Variants in STAG1 observed in about 807,000 individuals in gnomAD.
STAG1 encodes STAG1 cohesin complex component.
STAG1 carries 26 observed loss-of-function variants against 170.9 expected under a neutral mutation model. That is an observed-to-expected ratio of 0.15 (90% CI 0.11 to 0.21). The LOEUF (loss-of-function observed/expected upper bound fraction) is 0.21. Ranked by LOEUF, STAG1 falls within the 10% of genes least tolerant of loss-of-function variation. STAG1 has a pLI of 1.00. For missense variants in STAG1, 964 were observed against 1,509.5 expected (o/e 0.64, Z 5.99); for synonymous variants, 514 against 497.7 (o/e 1.03, Z -0.44).
At chr3:136,379,354 T>C (rs1316696251) in intron 22 of STAG1, among the ~76,000 whole-genome samples, 1 of 152,120 alleles carries the variant, frequency 6.6e-6, no homozygotes, top group African/African-American at 2.4e-5. Context: ...AGCTGAGTCC[T>C]GAAGGAGAAA....
At chr3:136,378,468 G>C (rs532445561) in intron 22 of STAG1, among the ~76,000 whole-genome samples, 1 of 152,330 alleles carries the variant, frequency 6.6e-6, no homozygotes, top group East Asian at 1.9e-4. Context: ...CCAGGTTTGA[G>C]AGGATTGCTT....
intron 6 of STAG1, among the ~76,000 whole-genome samples, chr3:136,535,625 T>C (rs1935581566): frequency 6.6e-6 from 1 of 152,184 alleles, no homozygotes; most frequent in African/African-American, 2.4e-5. Flanking sequence ...ATCGTGCCAC[T>C]GCACTCCAGC....
At chr3:136,349,079 C>T in intron 29 of STAG1, 79 bp downstream of exon 29, 1 of 1,114,158 alleles carries the variant, frequency 9.0e-7, no homozygotes, top group Non-Finnish European at 1.4e-6. Context: ...ATACTATTAT[C>T]TTGCTTCAAA....
Position 136,422,819 on chromosome 3 carries a change from T to C in STAG1, c.1782A>G (p.Gln594=). ...TTTCTAAATCAAAATACTGTGGGAT[T>C]TGTAGCAAGTTTGCTACCTTCTCTG... ...ADAEKVANLL[Q]IPQYFDLEIY... The change falls in exon 18 of 34, where the codon CAA becomes CAG. Residue 594 remains glutamine, a synonymous_variant. Transcript: ENST00000383202. 2 of 1,609,964 alleles carry C rather than the reference T, an allele frequency of 1.2e-6. No homozygotes were observed. Among genetic ancestry groups the C allele is most frequent in the Non-Finnish European group, 1.7e-6 (2 of 1,179,092 alleles).
chr3:136,543,665 A>C (rs1478923492), intron 5 of STAG1, among the ~76,000 whole-genome samples: 1 of 152,176 alleles, frequency 6.6e-6, no homozygotes, highest in Non-Finnish European at 1.5e-5. Flanking sequence ...CTTAGTCTCT[A>C]TGAAACTAGG....
intron 22 of STAG1, among the ~76,000 whole-genome samples, chr3:136,387,681 A>T (rs1409822165): frequency 1.3e-5 from 2 of 152,226 alleles, no homozygotes; most frequent in Non-Finnish European, 1.5e-5. Flanking sequence ...CGACTATTTG[A>T]TATTTAAACC....
intron 1 of STAG1, among the ~76,000 whole-genome samples, chr3:136,662,957 A>T (rs1941627815): frequency 6.6e-6 from 1 of 152,116 alleles, no homozygotes; most frequent in South Asian, 2.1e-4. Context: ...AGGCTGAGGC[A>T]GGAGAATCGC....
intron 1 of STAG1, among the ~76,000 whole-genome samples, chr3:136,724,159 G>A (rs553219134): frequency 1.3e-4 from 15 of 113,234 alleles, no homozygotes; most frequent in African/African-American, 8.9e-4. Context: ...GTGGAATAGA[G>A]GAGGGGAGAA....
chr3:136,349,377 A>G lies in STAG1; in HGVS notation c.3066-14T>C. The stretch of plus-strand genomic sequence containing the variant: ...AGGTATGAATGACTAGAAACACAAT[A>G]GAAACAGCAGTGATTTTCAGAGAAG... On this transcript the variant is annotated splice_polypyrimidine_tract_variant and intron_variant, in intron 28 of 33. Transcript: ENST00000383202. The G allele has an allele frequency of 6.3e-7, 1 of 1,594,178 alleles. No homozygotes were observed. Among genetic ancestry groups the G allele is most frequent in the Non-Finnish European group, 8.6e-7 (1 of 1,161,860 alleles).
intron 1 of STAG1, among the ~76,000 whole-genome samples, chr3:136,693,511 A>G (rs1260331794): frequency 6.6e-6 from 1 of 152,186 alleles, no homozygotes; most frequent in Non-Finnish European, 1.5e-5. Context: ...CTTTTTTTGC[A>G]GTGGGATGGC....
At chr3:136,516,351 C>CA (rs1160627227) in intron 7 of STAG1, among the ~76,000 whole-genome samples, 2 of 151,718 alleles carry the variant, frequency 1.3e-5, no homozygotes, top group South Asian at 2.1e-4. Context: ...ACAAAAACTA[C>CA]AAAAAAATTA....
chr3:136,524,109 T>C lies in STAG1; in HGVS notation c.472-2692A>G, dbSNP rs527722705. ...TTTTGGTCCCATATGAACTTTAAAG[T>C]AGTTTTTTCCACTTATCTGAAGAAA... is the stretch of plus-strand genomic sequence containing the variant. On this transcript the variant is annotated intron_variant, in intron 6 of 33. Transcript: ENST00000383202. Among the ~76,000 whole-genome samples, 120 of 152,308 alleles carry C rather than the reference T, an allele frequency of 7.9e-4. 1 individual carries two copies. Among genetic ancestry groups the C allele is most frequent in the African/African-American group, 2.8e-3 (117 of 41,564 alleles).
intron 22 of STAG1, among the ~76,000 whole-genome samples, chr3:136,394,393 A>C (rs374156475): frequency 6.6e-6 from 1 of 152,218 alleles, no homozygotes; most frequent in Admixed American, 6.5e-5. Context: ...CAAATACCTA[A>C]GTAAGAAAAA....
In STAG1 at chr3:136,507,717, AT is replaced by A. The variant is rs766025107; in HGVS notation, c.677-4939del. On this transcript the variant is annotated intron_variant, in intron 7 of 33. Coordinates refer to ENST00000383202, the MANE Select transcript of STAG1 (RefSeq NM_005862.3). Reference sequence around the variant, plus strand: ...CTATATTATTTTCCTACTCATCACTATTTTTTAATAAAAATAATGTCTATGA... The same window carrying A: ...CTATATTATTTTCCTACTCATCACTATTTTTAATAAAAATAATGTCTATGA... Among the ~76,000 whole-genome samples the A allele has an allele frequency of 2.6e-5, 4 of 152,240 alleles. 1 individual carries two copies. Among genetic ancestry groups the A allele is most frequent in the Admixed American group, 2.6e-4 (4 of 15,286 alleles).
chr3:136,609,497 T>C (rs1251115037), intron 3 of STAG1: 1 of 152,438 alleles, frequency 6.6e-6, no homozygotes, highest in Non-Finnish European at 1.5e-5. Context: ...GAAAAGAGGC[T>C]GATCAGGCTA....
At chr3:136,541,147 T>C (rs1433795299) in intron 6 of STAG1, among the ~76,000 whole-genome samples, 2 of 152,016 alleles carry the variant, frequency 1.3e-5, no homozygotes, top group Admixed American at 1.3e-4. Flanking sequence ...TGTATGACGT[T>C]TTCCAAGTTA....
At chr3:136,726,027 C>T (rs529454280) in intron 1 of STAG1, among the ~76,000 whole-genome samples, 2 of 152,242 alleles carry the variant, frequency 1.3e-5, no homozygotes, top group East Asian at 3.9e-4. Context: ...AACCATCATC[C>T]AAGGCACTGT....
In STAG1 at chr3:136,464,406, A is replaced by G. The variant is rs61490764; in HGVS notation, c.1313+475T>C. 3.4e-3 allele frequency among the ~76,000 whole-genome samples: 517 copies of G among 151,634 alleles called. 1 individual carries two copies. Among genetic ancestry groups the G allele is most frequent in the African/African-American group, 0.012 (509 of 41,384 alleles). On this transcript the variant is annotated intron_variant, in intron 13 of 33. Transcript: ENST00000383202. ...CCATTGTACTGTAGTCTGGGCAACA[A>G]GAGCGAAACTCCGTCTCAAAAAAAA...
chr3:136,402,012 G>A (rs2087341115), intron 21 of STAG1, among the ~76,000 whole-genome samples: 1 of 151,952 alleles, frequency 6.6e-6, no homozygotes, highest in African/African-American at 2.4e-5. Context: ...CCAAAGTGCT[G>A]GGATTACAGG....
Sources: allele counts gnomAD v4.1 joint callset (sites outside exome capture counted in the v4.1 genomes callset), GRCh38; gene constraint gnomAD v4.1.1; transcripts MANE v1.5; gene names NCBI Gene and HGNC (gene_info 2026-07-23, HGNC 2026-07-21).